CHRDL1: variants seen among roughly 807,000 people sequenced by gnomAD.
The protein encoded by CHRDL1 is chordin-like protein 1.
CHRDL1 carries 19 observed loss-of-function variants against 40.9 expected under a neutral mutation model. That is an observed-to-expected ratio of 0.46 (90% CI 0.32 to 0.68). The LOEUF (loss-of-function observed/expected upper bound fraction) is 0.68, where lower values mean the gene tolerates loss of function less well. Ranked by LOEUF, CHRDL1 falls within the 30% of genes least tolerant of loss-of-function variation. The pLI is 0.03. For synonymous variants in CHRDL1, 136 were observed against 123.4 expected (o/e 1.10, Z -0.68); for missense variants, 329 against 352.1 (o/e 0.93, Z 0.53).
At chrX:110,770,523 A>G (rs2089736738) in intron 2 of CHRDL1, among the ~76,000 whole-genome samples, 1 of 111,625 alleles carries the variant, frequency 9.0e-6, no homozygotes, top group African/African-American at 3.3e-5. Flanking sequence ...AAAAAATAGA[A>G]TAATAAAGAG....
intron 9 of CHRDL1, among the ~76,000 whole-genome samples, chrX:110,685,390 G>A (rs939933892): frequency 9.0e-6 from 1 of 111,459 alleles, no homozygotes; most frequent in Non-Finnish European, 1.9e-5. Context: ...CCAAGTAGGA[G>A]TAGTTGGGAC....
chrX:110,787,751 A>G (rs977710418), intron 2 of CHRDL1, among the ~76,000 whole-genome samples: 1 of 112,586 alleles, frequency 8.9e-6, no homozygotes, highest in Non-Finnish European at 1.9e-5. Flanking sequence ...GGAGAAAAAT[A>G]AGTGACAATC....
chrX:110,730,647 A>G (rs1339222745), intron 4 of CHRDL1, among the ~76,000 whole-genome samples: 1 of 110,330 alleles, frequency 9.1e-6, no homozygotes, highest in Non-Finnish European at 1.9e-5. Flanking sequence ...CAGTGGTGTG[A>G]TCATGGCTCA....
chrX:110,784,380 C>G lies in CHRDL1; in HGVS notation c.94+7708G>C, dbSNP rs772376030. ...CATTCAGAAGTTAATTAGCTTTTTC[C>G]TACTTGCTGGATCACCTGCCCAAAA... On this transcript the variant is annotated intron_variant, in intron 2 of 11. Transcript: ENST00000372042. 6.3e-5 allele frequency among the ~76,000 whole-genome samples: 7 copies of G among 111,738 alleles called. No individual in the cohort carries two copies. The South Asian group carries it at 1.9e-3, about 30-fold the overall frequency.
intron 6 of CHRDL1, among the ~76,000 whole-genome samples, chrX:110,703,218 G>A (rs1273500120): frequency 8.9e-6 from 1 of 111,748 alleles, no homozygotes; most frequent in African/African-American, 3.3e-5. Flanking sequence ...AGCCTTCCAG[G>A]GGATTCTGAT....
intron 1 of CHRDL1, among the ~76,000 whole-genome samples, chrX:110,793,282 C>A (rs2090130731): frequency 8.9e-6 from 1 of 112,369 alleles, no homozygotes; most frequent in South Asian, 3.7e-4. Context: ...GTAGATGCTA[C>A]AGCTCCTACT....
chrX:110,762,630 G>C lies in CHRDL1; in HGVS notation c.207+65C>G, dbSNP rs1049608603. 6.4e-6 allele frequency: 4 copies of C among 623,063 alleles called. No individual in the cohort carries two copies. The Admixed American group carries it at 1.1e-4, about 17-fold the overall frequency. 51.3% of individuals were successfully genotyped at this position (623,063 alleles called of 1,213,427 possible). A position where few individuals can be genotyped will look rare whatever the true frequency, so the allele number is the denominator to read the frequency against. ...TCATCCATGGTCCCTGGCCATTTGGGCACTGAAAGCCTCTCGGCATGCTGA... is the reference window on the plus strand; with the variant it reads ...TCATCCATGGTCCCTGGCCATTTGGCCACTGAAAGCCTCTCGGCATGCTGA... On this transcript the variant is annotated intron_variant, in intron 3 of 11. Transcript: ENST00000372042.
chrX:110,790,082 A>T (rs1490107120), intron 2 of CHRDL1, among the ~76,000 whole-genome samples: 1 of 111,939 alleles, frequency 8.9e-6, no homozygotes, highest in Admixed American at 9.5e-5. Context: ...GTGTTTGTGT[A>T]TGTGCATGCA....
At chrX:110,703,280 G>A (rs778020115) in intron 6 of CHRDL1, among the ~76,000 whole-genome samples, 1 of 111,576 alleles carries the variant, frequency 9.0e-6, no homozygotes, top group Non-Finnish European at 1.9e-5. Flanking sequence ...ATATTGCTGC[G>A]TACACATCAG....
rs781729788 is a variant in CHRDL1, at chrX:110,752,056, T to G, written c.301+7605A>C. Reference sequence around the variant, plus strand: ...AACACCGTGTGTTCTCACTCATATGTGGAAGCTAAAAAAGTTGATCTCATA... The same window carrying G: ...AACACCGTGTGTTCTCACTCATATGGGGAAGCTAAAAAAGTTGATCTCATA... On this transcript the variant is annotated intron_variant, in intron 4 of 11. Transcript: ENST00000372042. 3.3e-4 allele frequency among the ~76,000 whole-genome samples: 37 copies of G among 112,022 alleles called. No individual in the cohort carries two copies. The South Asian group carries it at 0.013, about 40-fold the overall frequency.
chrX:110,678,199 A>T (rs1227761528), intron 11 of CHRDL1, among the ~76,000 whole-genome samples: 1 of 112,212 alleles, frequency 8.9e-6, no homozygotes, highest in Non-Finnish European at 1.9e-5. Flanking sequence ...TCCTAGCATG[A>T]TAAATTGGGC....
chrX:110,705,967 A>C (rs2070630144), intron 6 of CHRDL1, among the ~76,000 whole-genome samples: 1 of 110,831 alleles, frequency 9.0e-6, no homozygotes, highest in Non-Finnish European at 1.9e-5. Context: ...TAAACGTTTT[A>C]ACATTTGAAT....
intron 9 of CHRDL1, among the ~76,000 whole-genome samples, chrX:110,684,607 A>G (rs939289186): frequency 8.9e-6 from 1 of 112,745 alleles, no homozygotes; most frequent in Non-Finnish European, 1.9e-5. Flanking sequence ...ATTTGGGTTC[A>G]CTGTCTTTCT....
At chrX:110,744,957 T>A (rs73528236) in intron 4 of CHRDL1, among the ~76,000 whole-genome samples, 1 of 101,938 alleles carries the variant, frequency 9.8e-6, no homozygotes, top group African/African-American at 3.9e-5. Flanking sequence ...TCCCTCTCTC[T>A]CATTCACACA....
At chrX:110,700,503 G>T (rs1349892802) in intron 7 of CHRDL1, 151 bp downstream of exon 7, 5 of 457,641 alleles carry the variant, frequency 1.1e-5, no homozygotes, top group Non-Finnish European at 1.9e-5. Flanking sequence ...TTTCCAGTTG[G>T]TGATGACATT....
chrX:110,680,648 A>C (rs2069876660), intron 10 of CHRDL1, among the ~76,000 whole-genome samples: 1 of 111,999 alleles, frequency 8.9e-6, no homozygotes, highest in African/African-American at 3.3e-5. Flanking sequence ...TGCATACAGA[A>C]GTTCGAGTAC....
intron 6 of CHRDL1, among the ~76,000 whole-genome samples, chrX:110,715,591 C>G (rs975822590): frequency 3.6e-5 from 4 of 111,791 alleles, no homozygotes; most frequent in African/African-American, 1.3e-4. Context: ...GGTGGTAGCC[C>G]TGCAATGTCA....
chrX:110,747,498 A>G (rs2089279814), intron 4 of CHRDL1, among the ~76,000 whole-genome samples: 1 of 110,959 alleles, frequency 9.0e-6, no homozygotes, highest in Non-Finnish European at 1.9e-5. Context: ...CAGTCCCCCA[A>G]ATTGCCATAT....
chrX:110,694,558 C>G (rs954492742), intron 7 of CHRDL1, among the ~76,000 whole-genome samples: 11 of 111,669 alleles, frequency 9.9e-5, no homozygotes, highest in Non-Finnish European at 1.7e-4. Context: ...GTTTATCTCT[C>G]TTCTTCTAAA....
Sources: gnomAD v4.1 joint callset for allele counts (sites outside exome capture counted in the v4.1 genomes callset) on GRCh38, gnomAD v4.1.1 for gene constraint, MANE v1.5 for transcripts, NCBI Gene and HGNC (gene_info 2026-07-23, HGNC 2026-07-21) for gene names.